Variants in STAU1 observed in about 807,000 individuals in gnomAD.
The protein encoded by STAU1 is double-stranded RNA-binding protein Staufen homolog 1.
Under a neutral mutation model 62.9 loss-of-function variants are expected in STAU1, and 13 were observed. The observed-to-expected ratio is 0.21, with a 90% confidence interval of 0.13 to 0.33. The LOEUF (loss-of-function observed/expected upper bound fraction) is 0.33. Ranked by LOEUF, STAU1 falls within the 10% of genes least tolerant of loss-of-function variation. The pLI, the probability that STAU1 is intolerant of heterozygous loss-of-function variation, is 1.00. For missense variants in STAU1, 571 were observed against 712.1 expected (o/e 0.80, Z 2.25); for synonymous variants, 269 against 265.1 (o/e 1.01, Z -0.14).
In STAU1 at chr20:49,117,917, G is replaced by A; in HGVS notation, c.1369C>T (p.Arg457Ter). The A allele has an allele frequency of 6.2e-7, 1 of 1,614,150 alleles. No individual in the cohort carries two copies. The highest frequency in any genetic ancestry group is 8.5e-7 in the Non-Finnish European group (1 of 1,180,022). The change falls in exon 11 of 14, where the codon CGA becomes TGA. Residue 457 changes from arginine (R) to a stop codon, truncating the protein, a stop_gained. Transcript: ENST00000371856. LOFTEE classifies it high-confidence loss of function. The surrounding 1 kb of genome is among the most constrained non-coding windows in gnomAD (Gnocchi z 4.6). ...AKATVTAMIA[R>*]ELLYGGTSPT... is the part of the protein sequence containing the mutation. Reference sequence around the variant, plus strand: ...GAGGTGCCCCCATACAACAACTCTCGGGCTATCATGGCAGTTACCGTGGCC... The same window carrying A: ...GAGGTGCCCCCATACAACAACTCTCAGGCTATCATGGCAGTTACCGTGGCC...
chr20:49,186,108 G>A (rs1231839563), intron 1 of STAU1, among the ~76,000 whole-genome samples: 6 of 152,080 alleles, frequency 3.9e-5, no homozygotes, highest in Non-Finnish European at 7.4e-5. Context: ...CCTGCTTATG[G>A]AGGCCTAGGA....
At position 49,124,264 on chromosome 20, in the gene STAU1, G is replaced by A. The variant is rs541556946; in HGVS notation, c.822+111C>T. On this transcript the variant is annotated intron_variant, in intron 7 of 13. Coordinates refer to ENST00000371856, the MANE Select transcript of STAU1 (RefSeq NM_017453.4). ...CTAAGGGGTCTGGCAGGCCTGGGGT[G>A]TGGCACGTTGGTCTCATCCCCTTTC... is the stretch of plus-strand genomic sequence containing the variant. The A allele has an allele frequency of 6.4e-6, 7 of 1,092,228 alleles. No individual in the cohort carries two copies. The East Asian group carries it at 1.2e-4, about 18-fold the overall frequency. The allele number at this position is 1,092,228 out of a possible 1,614,324, so 67.7% of individuals were successfully genotyped here.
chr20:49,170,188 T>A (rs1248589389), intron 2 of STAU1, among the ~76,000 whole-genome samples: 1 of 152,174 alleles, frequency 6.6e-6, no homozygotes, highest in African/African-American at 2.4e-5. Context: ...TCCGAGTGAT[T>A]TAATATACAA....
the STAU1 span, among the ~76,000 whole-genome samples, chr20:49,210,234 A>G: frequency 2.6e-5 from 4 of 151,962 alleles, no homozygotes; most frequent in Admixed American, 6.6e-5. Context: ...TTCCTTTTGC[A>G]TAGTTTTCTG....
intron 4 of STAU1, among the ~76,000 whole-genome samples, chr20:49,153,269 G>A (rs1436536300): frequency 4.7e-4 from 53 of 113,570 alleles, no homozygotes; most frequent in African/African-American, 1.4e-3. Context: ...AAAAAAAAAA[G>A]AAGCACAAAG....
intron 6 of STAU1, among the ~76,000 whole-genome samples, chr20:49,128,090 G>A (rs1033204669): frequency 2.0e-5 from 3 of 151,664 alleles, no homozygotes; most frequent in African/African-American, 4.8e-5. Flanking sequence ...CAGAGGTTGC[G>A]GTAAGCTGAG....
chr20:49,143,473 G>A (rs904999429), intron 5 of STAU1, among the ~76,000 whole-genome samples: 3 of 152,112 alleles, frequency 2.0e-5, no homozygotes, highest in African/African-American at 7.2e-5. Flanking sequence ...TACACCTGTA[G>A]TCCCAGCTAC....
At position 49,115,924 on chromosome 20, in the gene STAU1, A is replaced by G. The variant is rs573090879; in HGVS notation, c.1633-57T>C. The G allele has an allele frequency of 3.6e-5, 53 of 1,492,624 alleles. No individual in the cohort carries two copies. In the South Asian group the frequency reaches 5.3e-4, roughly 15 times the overall value. 92.5% of individuals were successfully genotyped at this position (1,492,624 alleles called of 1,614,324 possible). On this transcript the variant is annotated intron_variant, in intron 12 of 13. Transcript: ENST00000371856. ...AGCCACCGCTTGGGACCACAGCATA[A>G]TACACTGGTCAGGCAGGCAAGAGAG...
intron 3 of STAU1, among the ~76,000 whole-genome samples, chr20:49,158,047 A>G (rs1353403774): frequency 1.3e-5 from 2 of 151,660 alleles, no homozygotes; most frequent in Non-Finnish European, 2.9e-5. Context: ...TTTGGGAGGC[A>G]GAGGCGGGCA....
chr20:49,218,530 G>A, the STAU1 span, among the ~76,000 whole-genome samples: 47,350 of 151,176 alleles, frequency 0.31, 8,210 homozygotes, highest in African/African-American at 0.45. Flanking sequence ...CAGCCAACAC[G>A]TTTTTAATTA....
At chr20:49,212,416 G>T in the STAU1 span, among the ~76,000 whole-genome samples, 1 of 152,108 alleles carries the variant, frequency 6.6e-6, no homozygotes. Context: ...TGTCATGATT[G>T]AATATATGTA....
At chr20:49,155,517 C>T (rs758388795) in intron 3 of STAU1, among the ~76,000 whole-genome samples, 2 of 152,094 alleles carry the variant, frequency 1.3e-5, no homozygotes, top group Admixed American at 1.3e-4. Context: ...AAACAGAACA[C>T]TAGAAATGGC....
chr20:49,134,962 T>C, intron 6 of STAU1: 1 of 1,602,358 alleles, frequency 6.2e-7, no homozygotes. Context: ...CGTGGTGGAC[T>C]TGCTTTGTGA....
chr20:49,173,389 C>T (rs557696102), intron 2 of STAU1, among the ~76,000 whole-genome samples: 11 of 152,116 alleles, frequency 7.2e-5, no homozygotes, highest in Non-Finnish European at 7.4e-5. Context: ...CCCAGGAGGC[C>T]GAGGTGAGCC....
intron 6 of STAU1, among the ~76,000 whole-genome samples, chr20:49,125,693 A>G (rs2145907000): frequency 6.6e-6 from 1 of 151,798 alleles, no homozygotes; most frequent in South Asian, 2.1e-4. Context: ...AAAAATACAA[A>G]AAAAATTAGC....
chr20:49,120,192 T>A, intron 8 of STAU1, 64 bp from the exon 9 acceptor site: 1 of 1,541,454 alleles, frequency 6.5e-7, no homozygotes, highest in Non-Finnish European at 8.8e-7. Flanking sequence ...CAGGCAGGAA[T>A]TGGTGTGTCA....
chr20:49,213,929 A>G, the STAU1 span, among the ~76,000 whole-genome samples: 2 of 152,172 alleles, frequency 1.3e-5, no homozygotes, highest in African/African-American at 4.8e-5. Flanking sequence ...ATTTGGGGCC[A>G]TGGCCAGGTG....
At chr20:49,212,785 A>G in the STAU1 span, among the ~76,000 whole-genome samples, 10 of 150,766 alleles carry the variant, frequency 6.6e-5, no homozygotes. Context: ...TTTAGTAGAG[A>G]TGGGGTTTCT....
intron 5 of STAU1, among the ~76,000 whole-genome samples, chr20:49,149,429 T>C (rs2093202300): frequency 6.6e-6 from 1 of 152,116 alleles, no homozygotes; most frequent in South Asian, 2.1e-4. Context: ...GGGTTGGGCC[T>C]AGAATTTATT....
Sources: allele counts gnomAD v4.1 joint callset (sites outside exome capture counted in the v4.1 genomes callset), GRCh38; gene constraint gnomAD v4.1.1; non-coding constraint Gnocchi (gnomAD v3.1); transcripts MANE v1.5; gene names NCBI Gene and HGNC (gene_info 2026-07-23, HGNC 2026-07-21).